SPIDR: variants seen among roughly 807,000 people sequenced by gnomAD.
SPIDR encodes the protein DNA repair-scaffolding protein.
SPIDR carries 93 observed loss-of-function variants against 104.6 expected under a neutral mutation model. The ratio of observed to expected loss-of-function variants is 0.89; its 90% CI spans 0.75 to 1.06. The LOEUF is 1.06. Among genes scored for constraint, SPIDR ranks in the 50% least tolerant of loss-of-function variants. The pLI is 0.00. For synonymous variants in SPIDR, 431 were observed against 416.9 expected, an observed-to-expected ratio of 1.03 and a Z score of -0.41; for missense variants, 1,154 against 1,111.2, an observed-to-expected ratio of 1.04 and a Z score of -0.55.
At chr8:47,377,717 A>G (rs2058826399) in intron 5 of SPIDR, among the ~76,000 whole-genome samples, 1 of 151,930 alleles carries the variant, frequency 6.6e-6, no homozygotes, top group Non-Finnish European at 1.5e-5. Flanking sequence ...AGAGTGGTCA[A>G]GGTTTCAAGC....
intron 1 of SPIDR, among the ~76,000 whole-genome samples, chr8:47,269,564 C>T (rs1338312664): frequency 6.9e-6 from 1 of 144,490 alleles, no homozygotes; most frequent in Non-Finnish European, 1.5e-5. Flanking sequence ...CCAACCATGT[C>T]TCTTAAAAAA....
intron 18 of SPIDR, 150 bp from the exon 19 acceptor site, chr8:47,729,262 A>G (rs2084815736): frequency 7.0e-7 from 1 of 1,423,932 alleles, no homozygotes; most frequent in African/African-American, 1.4e-5. Flanking sequence ...TCTCCATGTT[A>G]AAACACATCT....
chr8:47,652,891 A>G (rs1433024314), intron 10 of SPIDR, among the ~76,000 whole-genome samples: 3 of 152,188 alleles, frequency 2.0e-5, no homozygotes, highest in Non-Finnish European at 4.4e-5. Flanking sequence ...CTGATTCAGA[A>G]GCGAATCACC....
intron 5 of SPIDR, among the ~76,000 whole-genome samples, chr8:47,313,023 C>G (rs1464171683): frequency 6.6e-6 from 1 of 152,126 alleles, no homozygotes; most frequent in Non-Finnish European, 1.5e-5. Context: ...CCCTCTCTCA[C>G]CACTCCTATT....
chr8:47,508,263 A>G (rs1307847310), intron 8 of SPIDR, among the ~76,000 whole-genome samples: 1 of 152,236 alleles, frequency 6.6e-6, no homozygotes, highest in Non-Finnish European at 1.5e-5. Context: ...GGTGAAAGCA[A>G]GTAGCTTTCT....
At chr8:47,730,342 T>C (rs2085001082) in intron 19 of SPIDR, among the ~76,000 whole-genome samples, 1 of 152,198 alleles carries the variant, frequency 6.6e-6, no homozygotes, top group African/African-American at 2.4e-5. Context: ...GTGAAAGCCA[T>C]TTAAAAGCAC....
intron 8 of SPIDR, among the ~76,000 whole-genome samples, chr8:47,591,894 G>T (rs1286417322): frequency 1.3e-5 from 2 of 152,008 alleles, no homozygotes; most frequent in Non-Finnish European, 2.9e-5. Flanking sequence ...TAGAAACGGG[G>T]CGGGGGGGCA....
chr8:47,628,353 G>T (rs989638914), intron 10 of SPIDR, among the ~76,000 whole-genome samples: 2 of 152,154 alleles, frequency 1.3e-5, no homozygotes. Flanking sequence ...CAACAGAATT[G>T]TTCCATGTTT....
intron 5 of SPIDR, among the ~76,000 whole-genome samples, chr8:47,330,391 C>G (rs1554603762): frequency 1.3e-5 from 2 of 152,140 alleles, no homozygotes; most frequent in African/African-American, 4.8e-5. Context: ...TAGTTTCTAT[C>G]AGGGTTAATT....
intron 7 of SPIDR, 123 bp downstream of exon 7, chr8:47,408,084 A>G (rs2062996369): frequency 1.2e-5 from 6 of 489,254 alleles, no homozygotes; most frequent in East Asian, 6.6e-5. Flanking sequence ...ATTTTTTCCA[A>G]CATTCTAATT....
At chr8:47,460,915 GA>G (rs1554713096) in intron 8 of SPIDR, among the ~76,000 whole-genome samples, 1 of 152,130 alleles carries the variant, frequency 6.6e-6, no homozygotes, top group Admixed American at 6.5e-5. Context: ...CTTCATTTAT[GA>G]AGCTTAGTTT....
chr8:47,483,255 A>G (rs536061244), intron 8 of SPIDR, among the ~76,000 whole-genome samples: 8 of 152,060 alleles, frequency 5.3e-5, no homozygotes, highest in Non-Finnish European at 1.0e-4. Flanking sequence ...TACTTATTTT[A>G]AAGTAAGCCT....
At chr8:47,725,484 T>C (rs2084088301) in intron 16 of SPIDR, among the ~76,000 whole-genome samples, 1 of 152,174 alleles carries the variant, frequency 6.6e-6, no homozygotes, top group African/African-American at 2.4e-5. Flanking sequence ...CTCTGCCTCC[T>C]GGGTTCAAGC....
chr8:47,727,833 A>T (rs139639374), intron 17 of SPIDR, among the ~76,000 whole-genome samples: 182 of 152,326 alleles, frequency 1.2e-3, no homozygotes, highest in African/African-American at 3.6e-3. Flanking sequence ...TTAAAAAGCA[A>T]AGAGACTGGG....
chr8:47,354,668 G>T lies in SPIDR; in HGVS notation c.526-41708G>T, dbSNP rs180993742. On this transcript the variant is annotated intron_variant, in intron 5 of 19. Coordinates refer to ENST00000297423, the MANE Select transcript of SPIDR (RefSeq NM_001080394.4). ...TTTTTTATTTTTTTTTAGAAACAGG[G>T]TCTCACTCTGTTGCCCAGGCTGAAG... 2.4e-3 allele frequency among the ~76,000 whole-genome samples: 371 copies of T among 151,822 alleles called. 4 individuals are homozygous for T. Among genetic ancestry groups the T allele is most frequent in the African/African-American group, 8.5e-3 (354 of 41,426 alleles).
intron 6 of SPIDR, among the ~76,000 whole-genome samples, chr8:47,401,325 G>A (rs923844352): frequency 3.9e-5 from 6 of 152,172 alleles, no homozygotes; most frequent in South Asian, 2.1e-4. Context: ...AAGAGCTCCT[G>A]AAGAAAGCAC....
chr8:47,419,186 A>G (rs1189470998), intron 7 of SPIDR: 1 of 152,304 alleles, frequency 6.6e-6, no homozygotes. Flanking sequence ...TAGTTTCAGA[A>G]GGAAAGATAC....
chr8:47,502,718 AT>A, intron 8 of SPIDR, among the ~76,000 whole-genome samples: 1 of 152,042 alleles, frequency 6.6e-6, no homozygotes, highest in South Asian at 2.1e-4. Context: ...AGTTCTTTTA[AT>A]TTTGATGTTA....
chr8:47,452,135 A>G (rs538681467), intron 8 of SPIDR, among the ~76,000 whole-genome samples: 2 of 152,294 alleles, frequency 1.3e-5, no homozygotes, highest in East Asian at 1.9e-4. Flanking sequence ...AGTTGATGAA[A>G]CCCAAAGACA....
Sources: allele counts gnomAD v4.1 joint callset (sites outside exome capture counted in the v4.1 genomes callset), GRCh38; gene constraint gnomAD v4.1.1; transcripts MANE v1.5; gene names NCBI Gene and HGNC (gene_info 2026-07-23, HGNC 2026-07-21).